The following MAMDC4 variants were observed in gnomAD, a reference collection of about 807,000 sequenced individuals.
MAMDC4 encodes the protein MAM domain containing 4.
MAMDC4 carries 168 observed loss-of-function variants against 153.3 expected under a neutral mutation model. That is an observed-to-expected ratio of 1.10 (90% confidence interval 0.97 to 1.25). The LOEUF (loss-of-function observed/expected upper bound fraction) is 1.25. MAMDC4 is among the 50% of genes most tolerant of loss of function. MAMDC4 has a pLI of 0.00. For missense variants in MAMDC4, 1,701 were observed against 1,542.8 expected (o/e 1.10, Z -1.72); for synonymous variants, 744 against 651.5 (o/e 1.14, Z -2.16).
rs771836158 is a variant in MAMDC4 at position 136,857,439 on chromosome 9, C to T, written c.2179C>T (p.Pro727Ser). The T allele has an allele frequency of 2.2e-5, 35 of 1,608,322 alleles. No individual in the cohort carries two copies. In the South Asian group the frequency reaches 3.2e-4, roughly 15 times the overall value. ...GGACGATGTGGCCGTGCGGCCGGGC[C>T]CCTGCTGGGCCCCTAATTACTGCTC... Reference protein sequence around the residue: ...ALDDVAVRPGPCWAPNYCSFE... With the variant: ...ALDDVAVRPGSCWAPNYCSFE... The change falls in exon 18 of 27, where the codon CCC (proline) becomes TCC (serine). Residue 727 changes from proline to serine, a missense_variant. Transcript: ENST00000317446.
In MAMDC4 at chr9:136,856,824, A is replaced by G. The variant is rs1849012255; in HGVS notation, c.1835A>G (p.Gln612Arg). Residue 612 changes from glutamine (Q) to arginine (R), a missense_variant and splice_region_variant, in exon 15 of 27, where the codon CAA (glutamine) becomes CGA (arginine). Coordinates refer to ENST00000317446, the MANE Select transcript of MAMDC4 (RefSeq NM_206920.3). ...RGPDHDHTTG[Q>R]GHFVLLDPTD... ...CCTGACCACGACCACACCACAGGCC[A>G]AGGTAGGATGGGCGCTCAGACCGGG... is the stretch of plus-strand genomic sequence containing the variant. 13 of 1,612,266 alleles carry G rather than the reference A, an allele frequency of 8.1e-6. No homozygotes were observed. In the African/African-American group the frequency reaches 9.3e-5, roughly 12 times the overall value.
At position 136,859,258 on chromosome 9, in the gene MAMDC4, C is replaced by T. The variant is rs767120654; in HGVS notation, c.3134C>T (p.Ala1045Val). The T allele has an allele frequency of 1.5e-5, 24 of 1,612,198 alleles. No homozygotes were observed. In the South Asian group the frequency reaches 2.6e-4, roughly 18 times the overall value. ...GGCCAGCCAGCCCTGGGGCCCATTGCCCTGGATGACGTGGAGTATCTGGCT... is the reference window on the plus strand; with the variant it reads ...GGCCAGCCAGCCCTGGGGCCCATTGTCCTGGATGACGTGGAGTATCTGGCT... ...LGGQPALGPI[A>V]LDDVEYLAGQ... is the part of the protein sequence containing the mutation. The change falls in exon 25 of 27, where the codon GCC (alanine) becomes GTC (valine). Residue 1045 changes from alanine (A) to valine (V), a missense_variant. Physicochemically the swap from Ala to Val is moderately conservative, Grantham distance 64. Coordinates refer to ENST00000317446, the MANE Select transcript of MAMDC4 (RefSeq NM_206920.3).
Position 136,859,122 on chromosome 9 carries a change from A to G in MAMDC4, c.3074A>G (p.Lys1025Arg). 1 of 1,564,596 alleles carries G rather than the reference A, an allele frequency of 6.4e-7. No homozygotes were observed. The highest frequency in any genetic ancestry group is 8.7e-7 in the Non-Finnish European group (1 of 1,154,700). ...LEAQVEVASA[K>R]EFQIVFEATL... ...GCCCAGGTGGAGGTAGCCAGTGCCA[A>G]GGAGTTCCAGGTGAGGCTGGCTGTG... The change falls in exon 24 of 27, where the codon AAG (lysine) becomes AGG (arginine). Residue 1025 changes from lysine to arginine, a missense_variant. Physicochemically the swap from Lys to Arg is conservative, Grantham distance 26. Transcript: ENST00000317446.
intron 6 of MAMDC4, 66 bp downstream of exon 6, chr9:136,854,142 A>T: frequency 6.2e-7 from 1 of 1,610,388 alleles, no homozygotes; most frequent in Non-Finnish European, 8.5e-7. Context: ...CCCTGCTCAG[A>T]CCCTGTCTGC....
chr9:136,856,792 C>G lies in MAMDC4; in HGVS notation c.1803C>G (p.Ser601Arg), dbSNP rs760095857. ...ACACACACTGGCGCTGGGTGGAGAGCCGCGGCCCTGACCACGACCACACCA... is the reference window on the plus strand; with the variant it reads ...ACACACACTGGCGCTGGGTGGAGAGGCGCGGCCCTGACCACGACCACACCA... ...LSDTHWRWVE[S>R]RGPDHDHTTG... Residue 601 changes from serine to arginine, a missense_variant, in exon 15 of 27, where the codon AGC becomes AGG. Coordinates refer to ENST00000317446, the MANE Select transcript of MAMDC4 (RefSeq NM_206920.3). 2 of 1,611,374 alleles carry G rather than the reference C, an allele frequency of 1.2e-6. No individual in the cohort carries two copies. Among genetic ancestry groups the G allele is most frequent in the Admixed American group, 1.7e-5 (1 of 59,814 alleles).
Position 136,858,081 on chromosome 9 carries a change from C to T in MAMDC4, c.2567C>T (p.Ala856Val). 1 of 1,531,702 alleles carries T rather than the reference C, an allele frequency of 6.5e-7. No individual in the cohort carries two copies. The highest frequency in any genetic ancestry group is 8.8e-7 in the Non-Finnish European group (1 of 1,140,992). The allele number at this position is 1,531,702 out of a possible 1,614,324, so 94.9% of individuals were successfully genotyped here. ...AWRLGSMDVQ[A>V]ERAWRVVFEA... ...CGCCTGGGCAGCATGGACGTGCAGG[C>T]CGAGCGAGCCTGGAGGGTGAGTGCA... Residue 856 changes from alanine to valine, a missense_variant, in exon 20 of 27, where the codon GCC (alanine) becomes GTC (valine). Physicochemically the swap from Ala to Val is moderately conservative, Grantham distance 64 (BLOSUM62 0). Transcript: ENST00000317446.
rs771819216 is a variant in MAMDC4, at chr9:136,855,781, C to T, written c.1521C>T (p.Ser507=). The T allele has an allele frequency of 1.3e-5, 20 of 1,560,092 alleles. No homozygotes were observed. The highest frequency in any genetic ancestry group is 2.4e-5 in the South Asian group (2 of 84,528). Residue 507 remains serine (S), a synonymous_variant, in exon 13 of 27, where the codon AGC becomes AGT. Transcript: ENST00000317446. ...AGGCTGGGGGCTGGGAGGACGCCAG[C>T]GTGGGGCGGCTGCAGTGGCGGCGTG... ...SPEAGGWEDA[S]VGRLQWRRVS... is the part of the protein sequence containing the mutation.
chr9:136,856,651 C>G (rs1162161576), intron 14 of MAMDC4, 59 bp from the exon 15 acceptor site: 1 of 1,558,642 alleles, frequency 6.4e-7, no homozygotes, highest in African/African-American at 1.4e-5. Flanking sequence ...CTTCCACCTT[C>G]TCAGGGCTCT....
In MAMDC4 at chr9:136,853,858, G is replaced by C. The variant is rs746920351; in HGVS notation, c.536G>C (p.Gly179Ala). ...CAGAGCACAGGGCCCTGGGGCCCTG[G>C]CTGGCAGGAGTTGGCAGTGACCACA... The part of the protein sequence containing the change: ...LWQSTGPWGP[G>A]WQELAVTTGR... Residue 179 changes from glycine to alanine, a missense_variant, in exon 5 of 27, where the codon GGC becomes GCC. Coordinates refer to ENST00000317446, the MANE Select transcript of MAMDC4 (RefSeq NM_206920.3). 1 of 1,612,600 alleles carries C rather than the reference G, an allele frequency of 6.2e-7. No homozygotes were observed. The highest frequency in any genetic ancestry group is 1.1e-5 in the South Asian group (1 of 91,072).
At position 136,856,901 on chromosome 9, in the gene MAMDC4, C is replaced by CT; in HGVS notation, c.1838-5dup. On this transcript the variant is annotated splice_polypyrimidine_tract_variant and splice_region_variant and intron_variant, in intron 15 of 26. Transcript: ENST00000317446. Reference sequence around the variant, plus strand: ...TCTCTGCAGCACAGCCCCATGCCCCCTGCAGGCCACTTTGTGCTCCTGGAC... The same window carrying CT: ...TCTCTGCAGCACAGCCCCATGCCCCCTTGCAGGCCACTTTGTGCTCCTGGAC... 2 of 1,609,570 alleles carry CT rather than the reference C, an allele frequency of 1.2e-6. No homozygotes were observed. The highest frequency in any genetic ancestry group is 3.3e-4 in the Middle Eastern group (2 of 6,042).
chr9:136,857,125 C>T, intron 16 of MAMDC4, 40 bp from the exon 17 acceptor site: 2 of 1,608,066 alleles, frequency 1.2e-6, no homozygotes, highest in Non-Finnish European at 1.7e-6. Flanking sequence ...CATCAAGGCA[C>T]AGGAGAGAGG....
At position 136,854,350 on chromosome 9, in the gene MAMDC4, G is replaced by T. The variant is rs142062081; in HGVS notation, c.796+14G>T. On this transcript the variant is annotated intron_variant, in intron 7 of 26. Transcript: ENST00000317446. ...CACTCACCTGTGGTGAGGCCGGAGTGGGGGCCCAGAGTGAGGCTGGGAGAC... is the reference window on the plus strand; with the variant it reads ...CACTCACCTGTGGTGAGGCCGGAGTTGGGGCCCAGAGTGAGGCTGGGAGAC... The T allele has an allele frequency of 1.5e-3, 2,278 of 1,536,472 alleles. 33 individuals are homozygous for T. The African/African-American group carries it at 0.028, about 19-fold the overall frequency.
At chr9:136,859,415 C>T (rs1384842386) in intron 25 of MAMDC4, 98 bp downstream of exon 25, 19 of 1,084,600 alleles carry the variant, frequency 1.8e-5, no homozygotes, top group South Asian at 1.3e-4. Context: ...CCAGGAGCTG[C>T]GAGCATGCTG....
At chr9:136,852,971 C>T in intron 1 of MAMDC4, 131 bp from the exon 2 acceptor site, 1 of 734,478 alleles carries the variant, frequency 1.4e-6, no homozygotes, top group East Asian at 2.7e-5. Flanking sequence ...CAGCCCCTCC[C>T]TGCTCCATCT....
At chr9:136,855,911 C>G (rs1232107076) in intron 13 of MAMDC4, 63 bp downstream of exon 13, 22 of 1,501,564 alleles carry the variant, frequency 1.5e-5, no homozygotes, top group Non-Finnish European at 2.0e-5. Context: ...TCAGAGGGGT[C>G]TCTGCTCTGC....
In MAMDC4 at chr9:136,854,302, C is replaced by T. The variant is rs759267627; in HGVS notation, c.762C>T (p.Cys254=). ...AGCTGTGCGACGGGGAAGACAACTGCGGGGACCTGTCTGATGAGAACCCAC... is the reference window on the plus strand; with the variant it reads ...AGCTGTGCGACGGGGAAGACAACTGTGGGGACCTGTCTGATGAGAACCCAC... ...PQQLCDGEDN[C]GDLSDENPLT... Residue 254 remains cysteine, a synonymous_variant, in exon 7 of 27, where the codon TGC becomes TGT. Transcript: ENST00000317446. 6 of 1,596,598 alleles carry T rather than the reference C, an allele frequency of 3.8e-6. No individual in the cohort carries two copies. In the African/African-American group the frequency reaches 4.0e-5, roughly 11 times the overall value.
chr9:136,854,449 G>C, intron 7 of MAMDC4, 90 bp from the exon 8 acceptor site: 3 of 1,519,722 alleles, frequency 2.0e-6, no homozygotes, highest in Middle Eastern at 2.2e-4. Context: ...CCTTCTTGGG[G>C]TGTGGTTGCC....
rs892499751 is a variant in MAMDC4 at position 136,853,530 on chromosome 9, T to C, written c.329-15T>C. ...TTGCTCCCTGCCCCGTCTCCTGACC[T>C]CTCACCTGCGCCAGGCTGGTACATG... On this transcript the variant is annotated splice_polypyrimidine_tract_variant and intron_variant, in intron 3 of 26. Transcript: ENST00000317446. 6.8e-6 allele frequency: 11 copies of C among 1,612,448 alleles called. No individual in the cohort carries two copies. Among genetic ancestry groups the C allele is most frequent in the African/African-American group, 1.3e-5 (1 of 74,908 alleles).
In MAMDC4 at chr9:136,857,164, GGGA is replaced by G. The variant is rs1434857200; in HGVS notation, c.1973_1975del (p.Gly658_Thr659delinsAla). On this transcript the variant is annotated inframe_deletion and splice_region_variant, in exon 17 of 27. Transcript: ENST00000317446. ...GTTATGGACTGGTCCCCTCCCTGCA[GGGA>G]CTCTGCGCCTAGCCATGAGACGGGA... 3.1e-6 allele frequency: 5 copies of G among 1,612,428 alleles called. No individual in the cohort carries two copies. The highest frequency in any genetic ancestry group is 4.2e-6 in the Non-Finnish European group (5 of 1,179,828).
Sources: allele counts gnomAD v4.1 joint callset, GRCh38; gene constraint gnomAD v4.1.1; transcripts MANE v1.5; gene names NCBI Gene and HGNC (gene_info 2026-07-23, HGNC 2026-07-21).